ITPR2: variants seen among roughly 807,000 people sequenced by gnomAD.
ITPR2 encodes the protein inositol 1,4,5-trisphosphate receptor type 2.
ITPR2 carries 207 observed loss-of-function variants against 317.1 expected under a neutral mutation model. The observed-to-expected ratio is 0.65, with a 90% CI of 0.58 to 0.73. The LOEUF (loss-of-function observed/expected upper bound fraction) is 0.73. Among genes scored for constraint, ITPR2 ranks in the 30% least tolerant of loss-of-function variants. ITPR2 has a pLI of 0.00. For missense variants in ITPR2, 2,613 were observed against 3,284.0 expected (o/e 0.80, Z 4.99); for synonymous variants, 1,156 against 1,149.1 (o/e 1.01, Z -0.12).
At chr12:26,652,456 A>G (rs913542625) in intron 21 of ITPR2, among the ~76,000 whole-genome samples, 29 of 152,216 alleles carry the variant, frequency 1.9e-4, no homozygotes, top group Non-Finnish European at 2.9e-5. Flanking sequence ...TATGTCTGAA[A>G]TTAGGTTTCT....
intron 1 of ITPR2, among the ~76,000 whole-genome samples, chr12:26,792,526 T>C (rs1419401000): frequency 6.6e-6 from 1 of 152,002 alleles, no homozygotes; most frequent in East Asian, 1.9e-4. Context: ...GAAATGTGTT[T>C]TATATGGAGG....
chr12:26,627,940 C>T (rs1294903545), intron 23 of ITPR2, 93 bp downstream of exon 23: 8 of 1,215,776 alleles, frequency 6.6e-6, no homozygotes, highest in South Asian at 1.6e-5. Flanking sequence ...TTAAAAAGCA[C>T]AAAAAATATA....
At chr12:26,763,422 G>A (rs1949670639) in intron 2 of ITPR2, among the ~76,000 whole-genome samples, 1 of 151,976 alleles carries the variant, frequency 6.6e-6, no homozygotes, top group South Asian at 2.1e-4. Context: ...CGAAGTTTAT[G>A]AATCCAAAAA....
chr12:26,387,661 A>G, intron 54 of ITPR2, 67 bp from the exon 55 acceptor site: 2 of 1,417,756 alleles, frequency 1.4e-6, no homozygotes, highest in South Asian at 2.6e-5. Context: ...CTTAGCATAA[A>G]AACAAAACAC....
intron 55 of ITPR2, among the ~76,000 whole-genome samples, chr12:26,385,071 T>G (rs1939628036): frequency 6.6e-6 from 1 of 152,138 alleles, no homozygotes; most frequent in Non-Finnish European, 1.5e-5. Flanking sequence ...TGCACAACCC[T>G]CCTGTGGGCA....
chr12:26,626,260 T>C (rs1182564569), intron 23 of ITPR2, among the ~76,000 whole-genome samples: 2 of 152,166 alleles, frequency 1.3e-5, no homozygotes, highest in African/African-American at 4.8e-5. Context: ...CCACCATACC[T>C]GGCCAAGGTA....
At chr12:26,534,039 C>A (rs1051641466) in intron 37 of ITPR2, among the ~76,000 whole-genome samples, 1 of 152,190 alleles carries the variant, frequency 6.6e-6, no homozygotes, top group African/African-American at 2.4e-5. Context: ...TCCCTGGCAT[C>A]TAATCCCTGA....
At chr12:26,733,891 T>C (rs1949071101) in intron 2 of ITPR2, among the ~76,000 whole-genome samples, 1 of 152,198 alleles carries the variant, frequency 6.6e-6, no homozygotes, top group African/African-American at 2.4e-5. Flanking sequence ...GAAATCAAAA[T>C]GCAAGCCTCC....
At chr12:26,481,658 T>C (rs757774586) in intron 42 of ITPR2, among the ~76,000 whole-genome samples, 42 of 152,222 alleles carry the variant, frequency 2.8e-4, no homozygotes, top group Non-Finnish European at 4.6e-4. Flanking sequence ...CCCTCATACC[T>C]GAGATTTGTA....
At chr12:26,698,357 A>C (rs897910360) in intron 9 of ITPR2, among the ~76,000 whole-genome samples, 5 of 152,368 alleles carry the variant, frequency 3.3e-5, no homozygotes, top group African/African-American at 1.2e-4. Flanking sequence ...TGGCATATTC[A>C]AACAATGGAG....
At chr12:26,593,586 T>TA (rs1945760125) in intron 32 of ITPR2, among the ~76,000 whole-genome samples, 1 of 152,204 alleles carries the variant, frequency 6.6e-6, no homozygotes, top group Non-Finnish European at 1.5e-5. Context: ...GAAATATTTT[T>TA]AAAAACCTTT....
intron 55 of ITPR2, among the ~76,000 whole-genome samples, chr12:26,348,963 C>A (rs1288444457): frequency 6.6e-6 from 1 of 152,014 alleles, no homozygotes; most frequent in Non-Finnish European, 1.5e-5. Context: ...TCTTGGTCAA[C>A]AGAGCAAGAC....
At chr12:26,553,432 G>T (rs980940565) in intron 36 of ITPR2, among the ~76,000 whole-genome samples, 1 of 152,158 alleles carries the variant, frequency 6.6e-6, no homozygotes, top group Non-Finnish European at 1.5e-5. Flanking sequence ...CCTACTTAGG[G>T]CTTGGCCCTA....
intron 1 of ITPR2, among the ~76,000 whole-genome samples, chr12:26,795,224 A>C (rs1453982954): frequency 3.3e-5 from 5 of 152,252 alleles, no homozygotes; most frequent in African/African-American, 1.2e-4. Context: ...TTAGTTGTCT[A>C]TTTGGGGAAA....
chr12:26,817,024 CA>C (rs538827025), intron 1 of ITPR2, among the ~76,000 whole-genome samples: 50 of 151,452 alleles, frequency 3.3e-4, no homozygotes, highest in South Asian at 6.3e-4. Flanking sequence ...CTAAAAAATA[CA>C]AAAAAATTAG....
intron 9 of ITPR2, among the ~76,000 whole-genome samples, chr12:26,701,477 G>A (rs1188077291): frequency 3.9e-5 from 6 of 152,152 alleles, no homozygotes; most frequent in Admixed American, 3.3e-4. Flanking sequence ...AGAAAAGAAA[G>A]GAGAGAAAAT....
intron 10 of ITPR2, among the ~76,000 whole-genome samples, chr12:26,690,639 TAAGAA>T (rs1948220830): frequency 6.6e-6 from 1 of 152,008 alleles, no homozygotes; most frequent in South Asian, 2.1e-4. Flanking sequence ...TCTAGACTTA[TAAGAA>T]AAGATCAGAC....
chr12:26,467,511 G>A (rs770427057), intron 45 of ITPR2, among the ~76,000 whole-genome samples: 12 of 152,108 alleles, frequency 7.9e-5, no homozygotes, highest in Admixed American at 2.0e-4. Flanking sequence ...AATCATAAAA[G>A]CCTTGCCTGA....
At chr12:26,369,971 A>T (rs771443314) in intron 55 of ITPR2, among the ~76,000 whole-genome samples, 4 of 152,138 alleles carry the variant, frequency 2.6e-5, no homozygotes, top group Non-Finnish European at 4.4e-5. Context: ...ACATCACCGT[A>T]CCAGAAGGGT....
Sources: gnomAD v4.1 joint callset for allele counts (sites outside exome capture counted in the v4.1 genomes callset) on GRCh38, gnomAD v4.1.1 for gene constraint, MANE v1.5 for transcripts, NCBI Gene and HGNC (gene_info 2026-07-23, HGNC 2026-07-21) for gene names.